The following ACACA variants were observed in gnomAD, a reference collection of about 807,000 sequenced individuals.
ACACA encodes acetyl-CoA carboxylase 1.
ACACA carries 103 observed loss-of-function variants against 296.1 expected under a neutral mutation model. The ratio of observed to expected loss-of-function variants is 0.35; its 90% CI spans 0.30 to 0.41. The LOEUF (loss-of-function observed/expected upper bound fraction) is 0.41. Among genes scored for constraint, ACACA ranks in the 10% least tolerant of loss-of-function variants. ACACA has a pLI of 1.00. For synonymous variants in ACACA, 953 were observed against 1,038.6 expected (o/e 0.92, Z 1.58); for missense variants, 1,554 against 2,989.7 (o/e 0.52, Z 11.20).
chr17:37,302,296 AC>A (rs1422336409), intron 3 of ACACA, among the ~76,000 whole-genome samples: 1 of 135,040 alleles, frequency 7.4e-6, no homozygotes, highest in East Asian at 2.1e-4. Context: ...TGCAACCTCC[AC>A]CTCCCGGGTT....
At chr17:37,337,428 A>AG (rs2048174295) in intron 2 of ACACA, among the ~76,000 whole-genome samples, 1 of 147,064 alleles carries the variant, frequency 6.8e-6, no homozygotes, top group South Asian at 2.4e-4. Flanking sequence ...AAAAAAAAAA[A>AG]AAAAGAAAAG....
At chr17:37,278,934 A>T (rs2082385797) in intron 5 of ACACA, among the ~76,000 whole-genome samples, 1 of 152,218 alleles carries the variant, frequency 6.6e-6, no homozygotes, top group Admixed American at 6.5e-5. Context: ...TTACATAGGT[A>T]AACGTGTGCC....
intron 2 of ACACA, among the ~76,000 whole-genome samples, chr17:37,337,439 TAAAGA>T (rs147891963): frequency 0.12 from 17,698 of 147,330 alleles, 1,651 homozygotes; most frequent in East Asian, 0.45. Context: ...AAAAGAAAAG[TAAAGA>T]AAACTATAGA....
In ACACA at chr17:37,243,344, A is replaced by G. The variant is rs751159939; in HGVS notation, c.2931+27T>C. 1.9e-6 allele frequency: 3 copies of G among 1,608,520 alleles called. No homozygotes were observed. In the South Asian group the frequency reaches 3.3e-5, roughly 18 times the overall value. On this transcript the variant is annotated intron_variant, in intron 22 of 55. Coordinates refer to ENST00000616317, the MANE Select transcript of ACACA (RefSeq NM_198834.3). Reference sequence around the variant, plus strand: ...TAAACTCTGGCATTGGTAGCCAGAAAAAAATATAGTGTTATCCTATAAATA... The same window carrying G: ...TAAACTCTGGCATTGGTAGCCAGAAGAAAATATAGTGTTATCCTATAAATA...
At position 37,335,202 on chromosome 17, in the gene ACACA, G is replaced by A. The variant is rs148382180; in HGVS notation, c.85+4602C>T. Among the ~76,000 whole-genome samples the A allele has an allele frequency of 6.7e-4, 102 of 152,160 alleles. 1 individual carries two copies. The highest frequency in any genetic ancestry group is 2.3e-3 in the African/African-American group (94 of 41,530). On this transcript the variant is annotated intron_variant, in intron 2 of 55. Coordinates refer to ENST00000616317, the MANE Select transcript of ACACA (RefSeq NM_198834.3). ...ATACCACCCTGACTGGGCTCCATGA[G>A]GTCTCGGCCCAAAACCCTACTAACT...
At chr17:37,274,648 C>T in intron 8 of ACACA, 2 of 985,414 alleles carry the variant, frequency 2.0e-6, no homozygotes, top group Non-Finnish European at 1.2e-6. Context: ...CAGGCCTGCT[C>T]CAGGGCCAAG....
chr17:37,402,637 A>G (rs2051329344), intron 1 of ACACA, among the ~76,000 whole-genome samples: 1 of 152,144 alleles, frequency 6.6e-6, no homozygotes, highest in Non-Finnish European at 1.5e-5. Context: ...CAGTGAAAGC[A>G]TAGAGTATGT....
At chr17:37,139,500 C>T (rs1278353270) in intron 45 of ACACA, among the ~76,000 whole-genome samples, 1 of 152,138 alleles carries the variant, frequency 6.6e-6, no homozygotes, top group East Asian at 1.9e-4. Context: ...GTTTGTGTAC[C>T]CTTGGGGTTT....
intron 1 of ACACA, among the ~76,000 whole-genome samples, chr17:37,340,892 T>A (rs1488975808): frequency 6.6e-6 from 1 of 152,002 alleles, no homozygotes; most frequent in Non-Finnish European, 1.5e-5. Flanking sequence ...AGCCTCCTCA[T>A]CTGTAAAAAT....
At chr17:37,370,407 G>A (rs2049761597) in intron 1 of ACACA, among the ~76,000 whole-genome samples, 1 of 150,816 alleles carries the variant, frequency 6.6e-6, no homozygotes, top group South Asian at 2.1e-4. Flanking sequence ...AGCACTTTGG[G>A]AGGCCAAGGC....
At chr17:37,101,185 T>C (rs1268130440) in intron 52 of ACACA, among the ~76,000 whole-genome samples, 1 of 152,046 alleles carries the variant, frequency 6.6e-6, no homozygotes, top group African/African-American at 2.4e-5. Flanking sequence ...TAAATACATG[T>C]ACACATGTGA....
At chr17:37,202,842 A>C (rs956380662) in intron 33 of ACACA, among the ~76,000 whole-genome samples, 1 of 151,300 alleles carries the variant, frequency 6.6e-6, no homozygotes, top group African/African-American at 2.4e-5. Context: ...CTTTCTAAAT[A>C]GCCTTAGGCA....
intron 33 of ACACA, among the ~76,000 whole-genome samples, chr17:37,202,643 A>G (rs2078300060): frequency 7.3e-6 from 1 of 137,406 alleles, no homozygotes; most frequent in Non-Finnish European, 1.6e-5. Context: ...TTTTTTTCTT[A>G]AATTGCTTTT....
chr17:37,355,454 G>A (rs2049093645), intron 1 of ACACA, among the ~76,000 whole-genome samples: 1 of 151,748 alleles, frequency 6.6e-6, no homozygotes. Context: ...TACACGGGAG[G>A]CTGAGGCAGG....
intron 55 of ACACA, 94 bp from the exon 56 acceptor site, chr17:37,087,533 G>A (rs1004563175): frequency 6.4e-5 from 92 of 1,441,538 alleles, no homozygotes; most frequent in Middle Eastern, 3.5e-4. Flanking sequence ...TGTGTGCACC[G>A]TCCACTGCAG....
chr17:37,142,317 A>C (rs2075625135), intron 45 of ACACA, among the ~76,000 whole-genome samples: 1 of 152,226 alleles, frequency 6.6e-6, no homozygotes, highest in Non-Finnish European at 1.5e-5. Flanking sequence ...TTGGCAGGTC[A>C]CTAAGGCAGA....
At chr17:37,149,835 C>T in intron 45 of ACACA, 29 bp downstream of exon 45, 1 of 1,563,894 alleles carries the variant, frequency 6.4e-7, no homozygotes, top group Non-Finnish European at 8.8e-7. Flanking sequence ...ATCAGCTATG[C>T]ATACTTCTTC....
intron 29 of ACACA, among the ~76,000 whole-genome samples, chr17:37,213,130 C>T (rs750446035): frequency 6.6e-6 from 1 of 151,600 alleles, no homozygotes; most frequent in Non-Finnish European, 1.5e-5. Flanking sequence ...CCAGCCCAGG[C>T]AACATCTCCA....
At chr17:37,300,375 T>C (rs936943657) in intron 3 of ACACA, among the ~76,000 whole-genome samples, 2 of 152,150 alleles carry the variant, frequency 1.3e-5, no homozygotes, top group Admixed American at 1.3e-4. Flanking sequence ...ATATTCTGTG[T>C]ATTAGGAGAA....
Sources: gnomAD v4.1 joint callset for allele counts (sites outside exome capture counted in the v4.1 genomes callset) on GRCh38, gnomAD v4.1.1 for gene constraint, MANE v1.5 for transcripts, NCBI Gene and HGNC (gene_info 2026-07-23, HGNC 2026-07-21) for gene names.